Variants in MPP7 observed in about 807,000 individuals in gnomAD.
MPP7 encodes MAGUK p55 subfamily member 7.
A neutral mutation model predicts 76.5 loss-of-function variants in MPP7; 60 were observed. The ratio of observed to expected loss-of-function variants is 0.78; its 90% confidence interval spans 0.64 to 0.97. The LOEUF (loss-of-function observed/expected upper bound fraction) is 0.97, where lower values mean the gene tolerates loss of function less well. MPP7 is among the 50% of genes least tolerant of loss of function. The pLI is 0.00. For missense variants in MPP7, 641 were observed against 694.0 expected (o/e 0.92, Z 0.86); for synonymous variants, 237 against 244.5 (o/e 0.97, Z 0.29).
chr10:28,085,439 C>A (rs76540768), intron 12 of MPP7, among the ~76,000 whole-genome samples: 1 of 152,136 alleles, frequency 6.6e-6, no homozygotes, highest in Non-Finnish European at 1.5e-5. Flanking sequence ...TTGCTTGAGA[C>A]TGTTTGAAAG....
intron 13 of MPP7, among the ~76,000 whole-genome samples, chr10:28,066,046 CA>C (rs767975358): frequency 3.0e-4 from 46 of 152,196 alleles, no homozygotes; most frequent in Non-Finnish European, 5.3e-4. Context: ...AGCCTTAAAA[CA>C]ATGTTGATGT....
intron 5 of MPP7, among the ~76,000 whole-genome samples, chr10:28,138,848 A>C (rs1835424976): frequency 6.6e-6 from 1 of 152,268 alleles, no homozygotes; most frequent in African/African-American, 2.4e-5. Context: ...TAATGGAATA[A>C]AAATTCCACC....
At chr10:28,165,589 C>G (rs1223527838) in intron 3 of MPP7, among the ~76,000 whole-genome samples, 1 of 150,824 alleles carries the variant, frequency 6.6e-6, no homozygotes, top group Non-Finnish European at 1.5e-5. Context: ...GACCAGATGA[C>G]TTTAGCCTCA....
intron 2 of MPP7, among the ~76,000 whole-genome samples, chr10:28,231,852 C>A (rs1210094096): frequency 3.9e-5 from 6 of 152,100 alleles, no homozygotes; most frequent in Non-Finnish European, 7.4e-5. Context: ...AGAGGAAAGG[C>A]TCCTCCCAAT....
chr10:28,163,910 T>A (rs1214012476), intron 3 of MPP7, among the ~76,000 whole-genome samples: 3 of 50,524 alleles, frequency 5.9e-5, no homozygotes, highest in African/African-American at 1.9e-4. Context: ...CAGAGCTCCA[T>A]CTCAAAAAAA....
At chr10:28,105,070 C>T (rs1039283496) in intron 11 of MPP7, among the ~76,000 whole-genome samples, 1 of 144,478 alleles carries the variant, frequency 6.9e-6, no homozygotes, top group African/African-American at 2.5e-5. Flanking sequence ...AGGAGAATCG[C>T]TTAAACCAGG....
intron 3 of MPP7, among the ~76,000 whole-genome samples, chr10:28,185,107 T>A (rs1837190509): frequency 6.7e-6 from 1 of 148,216 alleles, no homozygotes; most frequent in Non-Finnish European, 1.5e-5. Flanking sequence ...GGCAGGTGGA[T>A]CACTTAAGGT....
intron 5 of MPP7, among the ~76,000 whole-genome samples, chr10:28,133,569 TG>T (rs1307064251): frequency 6.6e-6 from 1 of 152,220 alleles, no homozygotes. Flanking sequence ...AGCTCTAAAA[TG>T]GCAAATAGTG....
chr10:28,298,804 G>A (rs74377100), intron 1 of MPP7, among the ~76,000 whole-genome samples: 1,575 of 152,282 alleles, frequency 0.01, 28 homozygotes, highest in East Asian at 0.07. Context: ...AGTGATCTTA[G>A]CTAGATATTC....
chr10:28,082,224 G>A (rs931825587), intron 12 of MPP7, among the ~76,000 whole-genome samples: 2 of 152,026 alleles, frequency 1.3e-5, no homozygotes, highest in African/African-American at 4.8e-5. Flanking sequence ...CAAAATTTGT[G>A]TCCATGGCTT....
chr10:28,322,282 C>T (rs1328127926), intron 2 of MPP7, among the ~76,000 whole-genome samples: 1 of 152,022 alleles, frequency 6.6e-6, no homozygotes, highest in African/African-American at 2.4e-5. Flanking sequence ...AGCTGGATGT[C>T]TTGCGGTTCC....
intron 1 of MPP7, among the ~76,000 whole-genome samples, chr10:28,277,157 T>C (rs774459371): frequency 6.6e-6 from 1 of 151,960 alleles, no homozygotes; most frequent in African/African-American, 2.4e-5. Context: ...ACTGTACTTC[T>C]ACCTGGGAGA....
intron 14 of MPP7, 92 bp downstream of exon 14, chr10:28,059,558 C>G (rs1275269947): frequency 2.7e-6 from 2 of 728,154 alleles, no homozygotes; most frequent in Non-Finnish European, 4.7e-6. Flanking sequence ...TTAAAATACA[C>G]TTCAAATGGA....
intron 11 of MPP7, among the ~76,000 whole-genome samples, chr10:28,111,408 T>G (rs1588786240): frequency 6.6e-6 from 1 of 152,318 alleles, no homozygotes; most frequent in East Asian, 1.9e-4. Flanking sequence ...CTTACATAGC[T>G]TATTAAATAA....
intron 3 of MPP7, among the ~76,000 whole-genome samples, chr10:28,194,954 G>A (rs1837532359): frequency 6.6e-6 from 1 of 152,186 alleles, no homozygotes; most frequent in Admixed American, 6.6e-5. Context: ...GAGAAACTGG[G>A]AAGGGGAGAA....
intron 3 of MPP7, among the ~76,000 whole-genome samples, chr10:28,189,507 G>C (rs546263324): frequency 8.9e-5 from 13 of 145,514 alleles, no homozygotes; most frequent in Non-Finnish European, 1.9e-4. Flanking sequence ...GGAAATCAGG[G>C]CTGCAATGAG....
intron 1 of MPP7, among the ~76,000 whole-genome samples, chr10:28,245,084 C>G (rs750047941): frequency 1.4e-4 from 22 of 152,190 alleles, no homozygotes; most frequent in Non-Finnish European, 2.2e-4. Context: ...CTACCACTTA[C>G]TGCTAAAAAG....
chr10:28,123,462 CTTTTTTTTTTTTTT>C (rs200098933), intron 8 of MPP7, among the ~76,000 whole-genome samples: 1,860 of 92,560 alleles, frequency 0.02, 68 homozygotes, highest in East Asian at 0.17. Flanking sequence ...GTACTAAATT[CTTTTTTTTTTTTTT>C]TTTTTTTTTT....
At chr10:28,123,268 G>A (rs1298434869) in intron 8 of MPP7, among the ~76,000 whole-genome samples, 1 of 151,874 alleles carries the variant, frequency 6.6e-6, no homozygotes, top group African/African-American at 2.4e-5. Context: ...ATATTTCCAA[G>A]GCATAAAATA....
Sources: allele counts gnomAD v4.1 joint callset (sites outside exome capture counted in the v4.1 genomes callset), GRCh38; gene constraint gnomAD v4.1.1; transcripts MANE v1.5; gene names NCBI Gene and HGNC (gene_info 2026-07-23, HGNC 2026-07-21).